The following MROH1 variants were observed in gnomAD, a reference collection of about 807,000 sequenced individuals.
The protein encoded by MROH1 is maestro heat-like repeat-containing protein family member 1.
In MROH1, 117 loss-of-function variants were observed where a neutral mutation model predicts 116.5. The ratio of observed to expected loss-of-function variants is 1.00; its 90% CI spans 0.86 to 1.17. MROH1 has a LOEUF of 1.17. Among genes scored for constraint, MROH1 ranks in the 50% most tolerant of loss-of-function variants. The pLI is 0.00. For synonymous variants in MROH1, 921 were observed against 583.9 expected (o/e 1.58, Z -8.32); for missense variants, 1,873 against 1,338.5 (o/e 1.40, Z -6.23).
At position 144,220,655 on chromosome 8, in the gene MROH1, C is replaced by A. The variant is rs776077640; in HGVS notation, c.1197C>A (p.Leu399=). 1.3e-6 allele frequency: 2 copies of A among 1,576,392 alleles called. No homozygotes were observed. Among genetic ancestry groups the A allele is most frequent in the East Asian group, 2.3e-5 (1 of 42,978 alleles). The change falls in exon 13 of 44, where the codon CTC becomes CTA. Residue 399 remains leucine (L), a synonymous_variant. Coordinates refer to ENST00000326134, the MANE Select transcript of MROH1 (RefSeq NM_032450.3). ...PFILSSMRLP[L]LDTNSKVKRA... is the part of the protein sequence containing the mutation. ...TCCTGTCTTCCATGAGGCTTCCTCT[C>A]CTGGACACCAACAGCAAGGTAAACC...
chr8:144,235,416 G>A (rs1282934272), intron 14 of MROH1, among the ~76,000 whole-genome samples: 2 of 152,182 alleles, frequency 1.3e-5, no homozygotes, highest in African/African-American at 4.8e-5. Context: ...GGTGCGAGCA[G>A]ACAGCCTTGT....
chr8:144,261,609 A>G (rs1845091472), intron 43 of MROH1, 46 bp from the exon 44 acceptor site: 3 of 701,588 alleles, frequency 4.3e-6, no homozygotes, highest in Admixed American at 2.0e-5. Context: ...AGGCATGGGC[A>G]TGCCGAGGTC....
At chr8:144,213,895 GATA>G in intron 12 of MROH1, 1 of 152,248 alleles carries the variant, frequency 6.6e-6, no homozygotes, top group Non-Finnish European at 1.5e-5. Context: ...GAAGTCTGAT[GATA>G]ATCTAATTTT....
chr8:144,185,637 G>GT (rs11379740), intron 7 of MROH1, among the ~76,000 whole-genome samples: 4,679 of 5,250 alleles, frequency 0.89, 2,201 homozygotes, highest in Middle Eastern at 1. Flanking sequence ...GTGAGGGCCG[G>GT]GGGGGGGGAC....
chr8:144,229,926 C>T (rs1838517382), intron 14 of MROH1, among the ~76,000 whole-genome samples: 2 of 151,772 alleles, frequency 1.3e-5, no homozygotes, highest in African/African-American at 4.9e-5. Context: ...CCCAGCTACT[C>T]GGGAAGCTGA....
intron 9 of MROH1, 53 bp downstream of exon 9, chr8:144,191,908 T>C: frequency 6.2e-7 from 1 of 1,602,502 alleles, no homozygotes; most frequent in Non-Finnish European, 8.5e-7. Context: ...CCAATCAGAC[T>C]CCCCGGGGGT....
chr8:144,238,661 G>A (rs1488341770), intron 14 of MROH1, 95 bp from the exon 15 acceptor site: 6 of 713,888 alleles, frequency 8.4e-6, no homozygotes, highest in African/African-American at 1.7e-5. Flanking sequence ...GACCTGCGGC[G>A]AGGCTCAGGG....
intron 3 of MROH1, among the ~76,000 whole-genome samples, chr8:144,165,559 A>G (rs930484505): frequency 2.6e-5 from 4 of 151,960 alleles, no homozygotes; most frequent in African/African-American, 4.8e-5. Context: ...GTGAGCCACT[A>G]TGCAGGGCCT....
chr8:144,230,790 C>G (rs1246481112), intron 14 of MROH1, among the ~76,000 whole-genome samples: 1 of 136,588 alleles, frequency 7.3e-6, no homozygotes, highest in Admixed American at 7.3e-5. Context: ...TTTTTCTTCA[C>G]TAAAAGGTTT....
rs1263544225 is a variant in MROH1, at chr8:144,163,960, A to G, written c.22+112A>G. On this transcript the variant is annotated intron_variant, in intron 3 of 43. Coordinates refer to ENST00000326134, the MANE Select transcript of MROH1 (RefSeq NM_032450.3). This position sits in a 1 kb window ranked among gnomAD's most constrained non-coding sequence, Gnocchi z 4.4. ...CAATGGTGCCTAGAGTTTCCACCCTATACTCGGGAGCCTGAGTGGGTTCTG... is the reference window on the plus strand; with the variant it reads ...CAATGGTGCCTAGAGTTTCCACCCTGTACTCGGGAGCCTGAGTGGGTTCTG... 1.0e-5 allele frequency: 12 copies of G among 1,160,610 alleles called. No homozygotes were observed. Among genetic ancestry groups the G allele is most frequent in the African/African-American group, 1.5e-5 (1 of 65,088 alleles). The allele number at this position is 1,160,610 out of a possible 1,614,324, so 71.9% of individuals were successfully genotyped here. A position where few individuals can be genotyped will look rare whatever the true frequency, so the allele number is the denominator to read the frequency against.
chr8:144,182,831 C>T lies in MROH1; in HGVS notation c.562+2308C>T, dbSNP rs902941563. ...GTGGCTCATGCCTGTAATCCCAGCA[C>T]TTTGGAAAGCCGAAGCGGGCTGATC... is the stretch of plus-strand genomic sequence containing the variant. On this transcript the variant is annotated intron_variant, in intron 7 of 43. Transcript: ENST00000326134. This position sits in a 1 kb window ranked among gnomAD's most constrained non-coding sequence, Gnocchi z 4.1. Among the ~76,000 whole-genome samples the T allele has an allele frequency of 2.0e-4, 30 of 152,148 alleles. No individual in the cohort carries two copies. The highest frequency in any genetic ancestry group is 7.0e-4 in the African/African-American group (29 of 41,440).
intron 24 of MROH1, among the ~76,000 whole-genome samples, chr8:144,242,851 G>T (rs1394034583): frequency 6.6e-6 from 1 of 152,198 alleles, no homozygotes; most frequent in Non-Finnish European, 1.5e-5. Flanking sequence ...CCTCCGAGGG[G>T]CCGGGTCGTG....
chr8:144,239,203 C>T (rs1284228894), intron 16 of MROH1, 24 bp downstream of exon 16: 8 of 749,390 alleles, frequency 1.1e-5, no homozygotes, highest in East Asian at 7.5e-5. Flanking sequence ...CGTACCCCAC[C>T]TCCCCACTCC....
intron 12 of MROH1, among the ~76,000 whole-genome samples, chr8:144,208,629 C>T (rs1030709025): frequency 6.6e-6 from 1 of 152,058 alleles, no homozygotes; most frequent in Non-Finnish European, 1.5e-5. Context: ...TTTGCACATA[C>T]GAATTTTGAG....
intron 34 of MROH1, among the ~76,000 whole-genome samples, chr8:144,255,258 T>G (rs1476118257): frequency 6.6e-6 from 1 of 152,232 alleles, no homozygotes; most frequent in Non-Finnish European, 1.5e-5. Flanking sequence ...TCCTCCTTTC[T>G]GAGGAGCTGA....
chr8:144,217,666 C>T (rs543113089), intron 12 of MROH1, among the ~76,000 whole-genome samples: 2 of 152,306 alleles, frequency 1.3e-5, no homozygotes, highest in East Asian at 1.9e-4. Flanking sequence ...TGCAGTGGCA[C>T]GATCTCGGCT....
chr8:144,235,216 G>A (rs914501052), intron 14 of MROH1, among the ~76,000 whole-genome samples: 3 of 152,076 alleles, frequency 2.0e-5, no homozygotes, highest in Admixed American at 6.5e-5. Context: ...CTTTCATATC[G>A]ATCTTGTATA....
intron 1 of MROH1, among the ~76,000 whole-genome samples, chr8:144,153,723 A>G (rs1817387868): frequency 1.3e-5 from 2 of 152,096 alleles, no homozygotes; most frequent in Admixed American, 6.6e-5. Flanking sequence ...CTGGATGCGT[A>G]CTCAGGATCA....
At chr8:144,246,933 T>C (rs1223402891) in intron 29 of MROH1, among the ~76,000 whole-genome samples, 1 of 152,186 alleles carries the variant, frequency 6.6e-6, no homozygotes, top group Non-Finnish European at 1.5e-5. Context: ...CTCACCCAAA[T>C]TGGCAGAGCC....
Sources: allele counts gnomAD v4.1 joint callset (sites outside exome capture counted in the v4.1 genomes callset), GRCh38; gene constraint gnomAD v4.1.1; non-coding constraint Gnocchi (gnomAD v3.1); transcripts MANE v1.5; gene names NCBI Gene and HGNC (gene_info 2026-07-23, HGNC 2026-07-21).